FAM222B: variants seen among roughly 807,000 people sequenced by gnomAD.
FAM222B encodes protein FAM222B.
Under a neutral mutation model 38.0 loss-of-function variants are expected in FAM222B, and 12 were observed. The ratio of observed to expected loss-of-function variants is 0.32; its 90% CI spans 0.20 to 0.51. The LOEUF (loss-of-function observed/expected upper bound fraction) is 0.51, where lower values mean the gene tolerates loss of function less well. FAM222B is among the 20% of genes least tolerant of loss of function. The pLI, the probability that FAM222B is intolerant of heterozygous loss-of-function variation, is 0.97. For missense variants in FAM222B, 716 were observed against 754.2 expected (o/e 0.95, Z 0.59); for synonymous variants, 329 against 317.2 (o/e 1.04, Z -0.40).
At chr17:28,769,496 C>A (rs1188722050) in intron 1 of FAM222B, among the ~76,000 whole-genome samples, 1 of 150,560 alleles carries the variant, frequency 6.6e-6, no homozygotes, top group East Asian at 1.9e-4. Flanking sequence ...GGGGTTTCAC[C>A]CCATGTTGGC....
At chr17:28,823,061 GA>G (rs572484727) in intron 1 of FAM222B, among the ~76,000 whole-genome samples, 59 of 141,716 alleles carry the variant, frequency 4.2e-4, no homozygotes, top group East Asian at 2.2e-3. Flanking sequence ...ATCTTGGGGG[GA>G]AAAAAAAAAC....
chr17:28,811,444 A>G (rs1477799956), intron 1 of FAM222B, among the ~76,000 whole-genome samples: 1 of 152,178 alleles, frequency 6.6e-6, no homozygotes, highest in Admixed American at 6.5e-5. Context: ...GTCTCAAAAA[A>G]CAAAAACAAA....
At chr17:28,845,328 G>A (rs1410737631), upstream of FAM222B, among the ~76,000 whole-genome samples, 1 of 151,480 alleles carries the variant, frequency 6.6e-6, no homozygotes, top group African/African-American at 2.4e-5. Flanking sequence ...GTGAAGCCCG[G>A]AGGCAGAGCT....
intron 1 of FAM222B, among the ~76,000 whole-genome samples, chr17:28,783,711 A>G (rs1941980668): frequency 1.3e-5 from 2 of 152,088 alleles, no homozygotes; most frequent in Admixed American, 1.3e-4. Context: ...GGGTTTCACC[A>G]TGTTGGCCAG....
rs1050097794 is a variant in FAM222B, at chr17:28,786,881, T to C, written c.-40-20174A>G. Among the ~76,000 whole-genome samples the C allele has an allele frequency of 3.4e-5, 5 of 147,438 alleles. No individual in the cohort carries two copies. The Admixed American group carries it at 3.4e-4, about 10-fold the overall frequency. On this transcript the variant is annotated intron_variant, in intron 1 of 2. Transcript: ENST00000581407. The stretch of plus-strand genomic sequence containing the variant: ...GAAGTTTTACTTATAGCTAACACAC[T>C]GCCCTTCACTGTATTTTTTTTTTTT...
rs182307384 is a variant in FAM222B at position 28,814,898 on chromosome 17, C to T, written c.-41+27784G>A. ...AAGCGATTCTCCTGCCTCAGCTTCC[C>T]GAGTAGCTGGGATTACAGGCACGAG... On this transcript the variant is annotated intron_variant, in intron 1 of 2. Transcript: ENST00000581407. Among the ~76,000 whole-genome samples, 119 of 151,706 alleles carry T rather than the reference C, an allele frequency of 7.8e-4. 1 individual carries two copies. The East Asian group carries it at 0.021, about 27-fold the overall frequency.
At chr17:28,809,352 C>CAA (rs146580054) in intron 1 of FAM222B, among the ~76,000 whole-genome samples, 28 of 62,874 alleles carry the variant, frequency 4.5e-4, no homozygotes, top group East Asian at 9.4e-4. Context: ...GACTCCGTCT[C>CAA]AAAAAAAAAA....
At chr17:28,829,015 C>T (rs1348590960) in intron 1 of FAM222B, among the ~76,000 whole-genome samples, 1 of 148,714 alleles carries the variant, frequency 6.7e-6, no homozygotes, top group Non-Finnish European at 1.5e-5. Context: ...AAGCGACTGT[C>T]CTGCCTCAGC....
chr17:28,760,174 G>GT (rs2035003533), intron 2 of FAM222B, among the ~76,000 whole-genome samples: 1 of 152,202 alleles, frequency 6.6e-6, no homozygotes, highest in South Asian at 2.1e-4. Context: ...TATAAATGAG[G>GT]TAAGTAGAGA....
chr17:28,787,545 C>A (rs1011777240), intron 1 of FAM222B, among the ~76,000 whole-genome samples: 1 of 151,632 alleles, frequency 6.6e-6, no homozygotes, highest in African/African-American at 2.4e-5. Context: ...TAAAGGGTCT[C>A]TGAAAGCTCA....
intron 1 of FAM222B, among the ~76,000 whole-genome samples, chr17:28,772,165 G>C (rs1437523093): frequency 6.6e-6 from 1 of 152,110 alleles, no homozygotes; most frequent in Non-Finnish European, 1.5e-5. Flanking sequence ...CTCTGACGAT[G>C]GGGATACAAA....
At chr17:28,813,138 AAAAC>A (rs1213162267) in intron 1 of FAM222B, among the ~76,000 whole-genome samples, 1 of 135,506 alleles carries the variant, frequency 7.4e-6, no homozygotes, top group African/African-American at 2.8e-5. Context: ...AAAAAAAAAA[AAAAC>A]ACACACATAC....
intron 1 of FAM222B, among the ~76,000 whole-genome samples, chr17:28,797,156 C>T (rs962894695): frequency 6.6e-6 from 1 of 151,950 alleles, no homozygotes; most frequent in Non-Finnish European, 1.5e-5. Flanking sequence ...ACGTAAGTCA[C>T]CACACCCAGC....
chr17:28,784,432 C>CACCTGTGAATATCCACTGTACTCCA (rs2036300262), intron 1 of FAM222B, among the ~76,000 whole-genome samples: 2 of 129,014 alleles, frequency 1.6e-5, no homozygotes, highest in South Asian at 2.5e-4. Flanking sequence ...GCCATAGTGA[C>CACCTGTGAATATCCACTGTACTCCA]ACCTGTGAAT....
In FAM222B at chr17:28,758,215, C is replaced by T. The variant is rs2034803701; in HGVS notation, c.*55G>A. The T allele has an allele frequency of 1.4e-6, 2 of 1,408,000 alleles. No homozygotes were observed. Among genetic ancestry groups the T allele is most frequent in the Non-Finnish European group, 1.9e-6 (2 of 1,035,060 alleles). 87.2% of individuals were successfully genotyped at this position (1,408,000 alleles called of 1,614,324 possible). On this transcript the variant is annotated 3_prime_UTR_variant, in exon 3 of 3. Coordinates refer to ENST00000581407, the MANE Select transcript of FAM222B (RefSeq NM_001077498.3). ...TGAAACTATCCAGTTACTTAAAAGA[C>T]TAAACCTAGGAGGGTGATGTATGAT...
chr17:28,854,471 T>G (rs1373052455), intron 1 of FAM222B, among the ~76,000 whole-genome samples: 1 of 152,144 alleles, frequency 6.6e-6, no homozygotes, highest in East Asian at 1.9e-4. Context: ...AGACCTGCTC[T>G]TCATCCCAAA....
chr17:28,758,323 G>C lies in FAM222B; in HGVS notation c.1636C>G (p.Pro546Ala), dbSNP rs766268956. ...KAHRAPGNRA[P>A]DPTESRSLHI... ...AGACTTCGACTCTCTGTGGGATCGGGGGCTCGGTTGCCAGGGGCTCGGTGG... is the reference window on the plus strand; with the variant it reads ...AGACTTCGACTCTCTGTGGGATCGGCGGCTCGGTTGCCAGGGGCTCGGTGG... The change falls in exon 3 of 3, where the codon CCC becomes GCC. Residue 546 changes from proline (P) to alanine (A), a missense_variant. Physicochemically the swap from Pro to Ala is conservative, Grantham distance 27. Coordinates refer to ENST00000581407, the MANE Select transcript of FAM222B (RefSeq NM_001077498.3). 2 of 1,610,188 alleles carry C rather than the reference G, an allele frequency of 1.2e-6. No homozygotes were observed. Among genetic ancestry groups the C allele is most frequent in the Admixed American group, 3.4e-5 (2 of 59,232 alleles).
At chr17:28,829,951 G>GA (rs903326156) in intron 1 of FAM222B, among the ~76,000 whole-genome samples, 2 of 151,810 alleles carry the variant, frequency 1.3e-5, no homozygotes, top group African/African-American at 4.8e-5. Context: ...CCAGGTTCAA[G>GA]AAATTCTCCT....
intron 1 of FAM222B, among the ~76,000 whole-genome samples, chr17:28,830,502 C>T (rs769668768): frequency 1.3e-5 from 2 of 152,022 alleles, no homozygotes; most frequent in Non-Finnish European, 2.9e-5. Context: ...ACATAATTGG[C>T]GAACATTTCT....
Sources: gnomAD v4.1 joint callset for allele counts (sites outside exome capture counted in the v4.1 genomes callset) on GRCh38, gnomAD v4.1.1 for gene constraint, MANE v1.5 for transcripts, NCBI Gene and HGNC (gene_info 2026-07-23, HGNC 2026-07-21) for gene names.